CHD6: variants seen among roughly 807,000 people sequenced by gnomAD.
CHD6 encodes chromodomain helicase DNA binding protein 6, also known as ATP-dependent chromatin remodeler CHD6.
A neutral mutation model predicts 276.9 loss-of-function variants in CHD6; 50 were observed. The ratio of observed to expected loss-of-function variants is 0.18; its 90% CI spans 0.14 to 0.23. CHD6 has a LOEUF of 0.23. Ranked by LOEUF, CHD6 falls within the 10% of genes least tolerant of loss-of-function variation. The pLI is 1.00. For missense variants in CHD6, 2,564 were observed against 3,365.8 expected, an observed-to-expected ratio of 0.76 and a Z score of 5.89; for synonymous variants, 1,173 against 1,229.3, an observed-to-expected ratio of 0.95 and a Z score of 0.96.
intron 1 of CHD6, among the ~76,000 whole-genome samples, chr20:41,595,533 A>T (rs1408836541): frequency 1.3e-5 from 2 of 152,144 alleles, no homozygotes; most frequent in Admixed American, 1.3e-4. Flanking sequence ...GAAAGGGTGC[A>T]AGAAATCTCT....
intron 16 of CHD6, among the ~76,000 whole-genome samples, chr20:41,477,808 C>T (rs934149106): frequency 1.3e-5 from 2 of 152,142 alleles, no homozygotes; most frequent in Non-Finnish European, 2.9e-5. Flanking sequence ...AAAGCAGGGA[C>T]GCAGAGTCTA....
At chr20:41,416,999 A>G (rs1208190338) in intron 32 of CHD6, among the ~76,000 whole-genome samples, 199 bp downstream of exon 32, 1 of 152,230 alleles carries the variant, frequency 6.6e-6, no homozygotes, top group African/African-American at 2.4e-5. Flanking sequence ...TAAGAGGACA[A>G]TTTGACACCT....
At chr20:41,459,117 A>G (rs1005982382) in intron 17 of CHD6, among the ~76,000 whole-genome samples, 1 of 152,138 alleles carries the variant, frequency 6.6e-6, no homozygotes, top group African/African-American at 2.4e-5. Context: ...CAGGAATCCT[A>G]TGTTTGCCCA....
chr20:41,513,244 T>C (rs2044163998), intron 4 of CHD6, among the ~76,000 whole-genome samples: 1 of 152,280 alleles, frequency 6.6e-6, no homozygotes, highest in East Asian at 1.9e-4. Context: ...AGGGGTAGTG[T>C]CTCATAGTCC....
chr20:41,609,855 CTT>C (rs369159347), intron 1 of CHD6, among the ~76,000 whole-genome samples: 9 of 128,210 alleles, frequency 7.0e-5, no homozygotes, highest in African/African-American at 8.5e-5. Flanking sequence ...TTTCTTTTTT[CTT>C]TTTTTTTTTT....
intron 3 of CHD6, among the ~76,000 whole-genome samples, chr20:41,515,998 G>A (rs1237451359): frequency 6.6e-6 from 1 of 152,166 alleles, no homozygotes. Context: ...TTTGAGCAGA[G>A]ATACATATAT....
At chr20:41,599,677 G>A (rs1601184532) in intron 1 of CHD6, among the ~76,000 whole-genome samples, 1 of 152,186 alleles carries the variant, frequency 6.6e-6, no homozygotes, top group Non-Finnish European at 1.5e-5. Context: ...GGGGAAATCT[G>A]CCAGACACAA....
At chr20:41,546,759 G>A (rs145891845) in intron 2 of CHD6, among the ~76,000 whole-genome samples, 525 of 152,096 alleles carry the variant, frequency 3.5e-3, no homozygotes, top group African/African-American at 0.012. Context: ...TTAAAATAAC[G>A]TATTTCTTAG....
In CHD6 at chr20:41,403,230, G is replaced by GC. The variant is rs2046579089; in HGVS notation, c.*1362dup. On this transcript the variant is annotated 3_prime_UTR_variant, in exon 37 of 37. Coordinates refer to ENST00000373233, the MANE Select transcript of CHD6 (RefSeq NM_032221.5). ...AGTGAAACTGGTACTAGTAACACTT[G>GC]CAACATTTCCAAGGGTCCTGCGCAG... 9.5e-7 allele frequency: 1 copy of GC among 1,053,040 alleles called. No homozygotes were observed. The highest frequency in any genetic ancestry group is 1.2e-6 in the Non-Finnish European group (1 of 868,914). 65.2% of individuals were successfully genotyped at this position (1,053,040 alleles called of 1,614,324 possible). A position where few individuals can be genotyped will look rare whatever the true frequency, so the allele number is the denominator to read the frequency against.
At chr20:41,425,989 A>G in intron 28 of CHD6, 104 bp downstream of exon 28, 1 of 884,112 alleles carries the variant, frequency 1.1e-6, no homozygotes, top group East Asian at 2.4e-5. Flanking sequence ...TGGCTTTTTA[A>G]AAGAGCCTCC....
chr20:41,513,785 G>A (rs2044179351), intron 4 of CHD6, among the ~76,000 whole-genome samples: 1 of 152,076 alleles, frequency 6.6e-6, no homozygotes, highest in African/African-American at 2.4e-5. Context: ...AAAAGCAAAA[G>A]CAAAATCCCA....
intron 36 of CHD6, among the ~76,000 whole-genome samples, chr20:41,411,124 G>A (rs1374351672): frequency 2.0e-5 from 3 of 152,000 alleles, no homozygotes; most frequent in Non-Finnish European, 4.4e-5. Flanking sequence ...AACTGTCTAG[G>A]GCCCAAGTCT....
At chr20:41,490,577 C>A (rs144966112) in intron 11 of CHD6, among the ~76,000 whole-genome samples, 1 of 152,130 alleles carries the variant, frequency 6.6e-6, no homozygotes, top group South Asian at 2.1e-4. Context: ...TTTTGGGAGG[C>A]CAACGCGGGC....
chr20:41,458,413 T>A (rs1300515327), intron 17 of CHD6, among the ~76,000 whole-genome samples: 1 of 152,260 alleles, frequency 6.6e-6, no homozygotes, highest in East Asian at 1.9e-4. Context: ...TTATTCTTAT[T>A]GCTGTTCACA....
At chr20:41,559,293 T>C (rs763058118) in intron 1 of CHD6, among the ~76,000 whole-genome samples, 12 of 152,168 alleles carry the variant, frequency 7.9e-5, no homozygotes, top group Non-Finnish European at 4.4e-5. Context: ...CTCCCTAAGT[T>C]ATCACTAAAT....
intron 1 of CHD6, among the ~76,000 whole-genome samples, chr20:41,602,661 A>T (rs1218584482): frequency 6.6e-6 from 1 of 152,124 alleles, no homozygotes; most frequent in Non-Finnish European, 1.5e-5. Context: ...TTTTTACATT[A>T]AAAAAACCCA....
At chr20:41,487,598 A>ATCCTGCTCTTT in intron 14 of CHD6, 67 bp downstream of exon 14, 2 of 1,478,874 alleles carry the variant, frequency 1.4e-6, no homozygotes, top group South Asian at 2.6e-5. Context: ...GCCCCATAGC[A>ATCCTGCTCTTT]TCCTGCTCTT....
Position 41,445,765 on chromosome 20 carries a change from C to T in CHD6, c.3777G>A (p.Glu1259=), listed in dbSNP as rs1054987036. Residue 1259 remains glutamate (E), a synonymous_variant, in exon 25 of 37, where the codon GAG becomes GAA. Coordinates refer to ENST00000373233, the MANE Select transcript of CHD6 (RefSeq NM_032221.5). The part of the protein sequence containing the change: ...EKAFEGSPAR[E]LDVPLPDIDY... ...CGATGTCAGGCAGAGGTACATCCAG[C>T]TCCCTAGGGAAGGAAGGGTGTAGAC... 2 of 1,607,828 alleles carry T rather than the reference C, an allele frequency of 1.2e-6. No homozygotes were observed. The highest frequency in any genetic ancestry group is 1.3e-5 in the African/African-American group (1 of 74,800).
At chr20:41,604,467 T>C (rs1003926024) in intron 1 of CHD6, among the ~76,000 whole-genome samples, 1 of 152,204 alleles carries the variant, frequency 6.6e-6, no homozygotes, top group African/African-American at 2.4e-5. Flanking sequence ...CCTCAAGGAA[T>C]AGCAGAAGAT....
Sources: allele counts gnomAD v4.1 joint callset (sites outside exome capture counted in the v4.1 genomes callset), GRCh38; gene constraint gnomAD v4.1.1; transcripts MANE v1.5; gene names NCBI Gene and HGNC (gene_info 2026-07-23, HGNC 2026-07-21).